Variants in DACH2 observed in about 807,000 individuals in gnomAD.
The protein encoded by DACH2 is dachshund homolog 2.
A neutral mutation model predicts 35.8 loss-of-function variants in DACH2; 17 were observed. The ratio of observed to expected loss-of-function variants is 0.48; its 90% CI spans 0.33 to 0.71. DACH2 has a LOEUF of 0.71. Ranked by LOEUF, DACH2 falls within the 30% of genes least tolerant of loss-of-function variation. The probability of loss-of-function intolerance (pLI) is 0.02; values close to 1 mark genes in which losing one functional copy is unlikely to be tolerated. For synonymous variants in DACH2, 195 were observed against 177.3 expected (o/e 1.10, Z -0.79); for missense variants, 469 against 472.7 (o/e 0.99, Z 0.07).
chrX:86,531,776 G>A (rs1165622592), intron 3 of DACH2, among the ~76,000 whole-genome samples: 2 of 112,049 alleles, frequency 1.8e-5, no homozygotes, highest in African/African-American at 3.2e-5. Context: ...AGAGAAGAGG[G>A]CCACCATCCT....
chrX:86,798,895 T>A lies in DACH2; in HGVS notation c.1241-13961T>A, dbSNP rs1183497703. 1.9e-5 allele frequency: 3 copies of A among 154,297 alleles called. No individual in the cohort carries two copies. In the East Asian group the frequency reaches 7.1e-4, roughly 36 times the overall value. The allele number at this position is 154,297 out of a possible 1,213,427, so 12.7% of individuals were successfully genotyped here. A position where few individuals can be genotyped will look rare whatever the true frequency, so the allele number is the denominator to read the frequency against. ...GGCAAAGGCTCATCTCCTTGTTGTA[T>A]CTCTAAGTGCTTCCATAATTGACTG... On this transcript the variant is annotated intron_variant, in intron 7 of 11. Coordinates refer to ENST00000373125, the MANE Select transcript of DACH2 (RefSeq NM_053281.3).
At chrX:86,415,104 G>A (rs1330305923) in intron 2 of DACH2, among the ~76,000 whole-genome samples, 1 of 111,717 alleles carries the variant, frequency 9.0e-6, no homozygotes, top group Admixed American at 9.6e-5. Context: ...TAGACTGCAA[G>A]AAGATGATAT....
At chrX:86,600,126 T>C (rs904075605) in intron 3 of DACH2, among the ~76,000 whole-genome samples, 4 of 112,253 alleles carry the variant, frequency 3.6e-5, no homozygotes, top group African/African-American at 1.3e-4. Flanking sequence ...GGAGCACCTA[T>C]GTTGCTGAGT....
intron 1 of DACH2, among the ~76,000 whole-genome samples, chrX:86,323,166 T>G (rs2035048134): frequency 8.9e-6 from 1 of 112,210 alleles, no homozygotes; most frequent in South Asian, 3.7e-4. Context: ...AAACAAAGGA[T>G]GGAGAGGGAA....
At chrX:86,280,638 T>C (rs1218261809) in intron 1 of DACH2, among the ~76,000 whole-genome samples, 1 of 112,218 alleles carries the variant, frequency 8.9e-6, no homozygotes, top group African/African-American at 3.2e-5. Context: ...AATGCCCCAA[T>C]TAAAAGACAC....
In DACH2 at chrX:86,819,406, A is replaced by G. The variant is rs771175993; in HGVS notation, c.1750+3307A>G. On this transcript the variant is annotated intron_variant, in intron 11 of 11. Transcript: ENST00000373125. ...AATCCCTGTTTCACATAAAATAAAC[A>G]TACCGAGTGTCATTAAGTGCACCTT... Among the ~76,000 whole-genome samples, 117 of 110,982 alleles carry G rather than the reference A, an allele frequency of 1.1e-3. 1 individual carries two copies. The highest frequency in any genetic ancestry group is 3.7e-3 in the African/African-American group (113 of 30,663).
intron 1 of DACH2, among the ~76,000 whole-genome samples, chrX:86,322,624 G>A (rs1435506082): frequency 1.1e-4 from 12 of 111,880 alleles, no homozygotes; most frequent in East Asian, 5.7e-4. Flanking sequence ...TGACCTCCAC[G>A]ACTTGTATGA....
intron 3 of DACH2, among the ~76,000 whole-genome samples, chrX:86,597,144 T>C (rs746081013): frequency 1.5e-3 from 165 of 111,922 alleles, no homozygotes; most frequent in Non-Finnish European, 2.6e-3. Flanking sequence ...ATGAATTATA[T>C]GTTTGGGTTT....
chrX:86,168,161 G>A lies in DACH2; in HGVS notation c.488+19053G>A, dbSNP rs750521723. ...GTGTTGAAATCTTATTATTCAATTT[G>A]GGTTTATCTCTCTGTTTAGCTCTAA... On this transcript the variant is annotated intron_variant, in intron 1 of 11. Transcript: ENST00000373125. Among the ~76,000 whole-genome samples, 100 of 111,445 alleles carry A rather than the reference G, an allele frequency of 9.0e-4. 1 individual carries two copies. The highest frequency in any genetic ancestry group is 3.2e-3 in the African/African-American group (99 of 30,811).
intron 5 of DACH2, among the ~76,000 whole-genome samples, chrX:86,705,315 T>C (rs184856064): frequency 9.2e-6 from 1 of 109,204 alleles, no homozygotes; most frequent in Admixed American, 9.9e-5. Context: ...GGGAGAGGGA[T>C]AAAAGACTAT....
chrX:86,695,519 T>C (rs2041057599), intron 5 of DACH2, among the ~76,000 whole-genome samples: 1 of 106,678 alleles, frequency 9.4e-6, no homozygotes. Context: ...TGAATTCTTT[T>C]TTTTTTTTTA....
intron 1 of DACH2, among the ~76,000 whole-genome samples, chrX:86,364,564 A>C (rs780052032): frequency 4.5e-5 from 5 of 111,430 alleles, no homozygotes; most frequent in Non-Finnish European, 7.6e-5. Flanking sequence ...ATCCTAAACA[A>C]GGGGTGACCT....
intron 1 of DACH2, among the ~76,000 whole-genome samples, chrX:86,211,848 A>G (rs745535540): frequency 4.5e-5 from 5 of 111,931 alleles, no homozygotes; most frequent in Admixed American, 3.8e-4. Flanking sequence ...CTAGCAGTTT[A>G]CAGAAGTGAT....
At chrX:86,654,648 C>A (rs927348923) in intron 4 of DACH2, among the ~76,000 whole-genome samples, 1 of 110,867 alleles carries the variant, frequency 9.0e-6, no homozygotes, top group Non-Finnish European at 1.9e-5. Context: ...ATAATAATAG[C>A]AACAGCAAGA....
At chrX:86,576,175 A>G (rs1164374051) in intron 3 of DACH2, among the ~76,000 whole-genome samples, 1 of 111,962 alleles carries the variant, frequency 8.9e-6, no homozygotes, top group African/African-American at 3.2e-5. Context: ...AATCTGTAGT[A>G]GTCTAAAATC....
At chrX:86,394,077 C>A (rs1218144361) in intron 2 of DACH2, among the ~76,000 whole-genome samples, 1 of 108,886 alleles carries the variant, frequency 9.2e-6, no homozygotes, top group Non-Finnish European at 1.9e-5. Context: ...TTCAGGGTAT[C>A]AATGATCACC....
intron 1 of DACH2, among the ~76,000 whole-genome samples, chrX:86,349,903 C>G (rs1329327654): frequency 8.9e-6 from 1 of 111,880 alleles, no homozygotes; most frequent in Non-Finnish European, 1.9e-5. Flanking sequence ...TGGTGGCTCA[C>G]GCCTGTAATC....
At chrX:86,730,863 G>C (rs191431819) in intron 6 of DACH2, among the ~76,000 whole-genome samples, 1 of 111,211 alleles carries the variant, frequency 9.0e-6, no homozygotes, top group East Asian at 2.8e-4. Flanking sequence ...TTAATACTGA[G>C]TGATTTGTTA....
chrX:86,465,374 C>T (rs745944130), intron 2 of DACH2, among the ~76,000 whole-genome samples: 2 of 111,966 alleles, frequency 1.8e-5, no homozygotes, highest in Non-Finnish European at 1.9e-5. Context: ...TGTTTAGATA[C>T]TTGAAGTAGC....
Sources: gnomAD v4.1 joint callset for allele counts (sites outside exome capture counted in the v4.1 genomes callset) on GRCh38, gnomAD v4.1.1 for gene constraint, MANE v1.5 for transcripts, NCBI Gene and HGNC (gene_info 2026-07-23, HGNC 2026-07-21) for gene names.